NRG1: variants seen among roughly 807,000 people sequenced by gnomAD.
The protein encoded by NRG1 is pro-neuregulin-1, membrane-bound isoform.
In NRG1, 18 loss-of-function variants were observed where a neutral mutation model predicts 63.8. The ratio of observed to expected loss-of-function variants is 0.28; its 90% CI spans 0.19 to 0.42. The LOEUF is 0.42. NRG1 is among the 10% of genes least tolerant of loss of function. The pLI, the probability that NRG1 is intolerant of heterozygous loss-of-function variation, is 1.00. For synonymous variants in NRG1, 302 were observed against 301.3 expected (o/e 1.00, Z -0.02); for missense variants, 762 against 814.7 (o/e 0.94, Z 0.79).
intron 1 of NRG1, among the ~76,000 whole-genome samples, chr8:32,109,863 C>T (rs1049818909): frequency 6.6e-6 from 1 of 152,116 alleles, no homozygotes; most frequent in Non-Finnish European, 1.5e-5. Flanking sequence ...TTATTAGTTG[C>T]AGTCTCAGCC....
chr8:32,393,198 G>GT (rs978475082), intron 1 of NRG1, among the ~76,000 whole-genome samples: 73 of 152,050 alleles, frequency 4.8e-4, no homozygotes, highest in African/African-American at 1.7e-3. Flanking sequence ...AGAAAACATG[G>GT]TTTTTTTCTC....
chr8:32,409,024 A>G (rs558795345), intron 1 of NRG1, among the ~76,000 whole-genome samples: 1 of 152,272 alleles, frequency 6.6e-6, no homozygotes, highest in African/African-American at 2.4e-5. Flanking sequence ...TTCACTTAAG[A>G]TAATAGCCTT....
chr8:31,770,204 C>T (rs1347321092), intron 1 of NRG1, among the ~76,000 whole-genome samples: 1 of 152,124 alleles, frequency 6.6e-6, no homozygotes, highest in Non-Finnish European at 1.5e-5. Context: ...GCCGCCTGTG[C>T]CTTGAGTTAG....
At chr8:32,248,880 AAAT>A (rs1214369761) in intron 1 of NRG1, among the ~76,000 whole-genome samples, 1 of 152,042 alleles carries the variant, frequency 6.6e-6, no homozygotes, top group Non-Finnish European at 1.5e-5. Flanking sequence ...TTGATTATCA[AAAT>A]AATAATTATT....
intron 1 of NRG1, among the ~76,000 whole-genome samples, chr8:32,306,820 A>G (rs571381353): frequency 1.3e-5 from 2 of 152,208 alleles, no homozygotes; most frequent in East Asian, 3.8e-4. Context: ...TGAAAATGCT[A>G]CAAAAGAGGA....
intron 5 of NRG1, among the ~76,000 whole-genome samples, chr8:32,724,904 T>C (rs1821680649): frequency 6.6e-6 from 1 of 152,230 alleles, no homozygotes; most frequent in Non-Finnish European, 1.5e-5. Flanking sequence ...CTAAGAATTT[T>C]TTAAATGACT....
At chr8:32,593,854 C>A (rs904916857) in intron 1 of NRG1, among the ~76,000 whole-genome samples, 635 of 96,158 alleles carry the variant, frequency 6.6e-3, no homozygotes, top group South Asian at 7.9e-3. Context: ...TTCAAGGTGT[C>A]AAAAAAAAAA....
intron 1 of NRG1, among the ~76,000 whole-genome samples, chr8:32,529,796 A>G (rs1831255782): frequency 6.6e-6 from 1 of 152,218 alleles, no homozygotes; most frequent in Non-Finnish European, 1.5e-5. Flanking sequence ...ACTTTCTGTG[A>G]TAACAATACT....
intron 1 of NRG1, among the ~76,000 whole-genome samples, chr8:32,281,397 C>G (rs1563266116): frequency 6.6e-6 from 1 of 151,604 alleles, no homozygotes; most frequent in Non-Finnish European, 1.5e-5. Flanking sequence ...AGGCTGGTCT[C>G]GAACTCCTGA....
At chr8:32,476,634 T>G (rs1824555077) in intron 1 of NRG1, among the ~76,000 whole-genome samples, 1 of 152,222 alleles carries the variant, frequency 6.6e-6, no homozygotes, top group Non-Finnish European at 1.5e-5. Flanking sequence ...AACAGACTCT[T>G]TTTGGCAACT....
At chr8:31,864,946 C>A (rs896037454) in intron 1 of NRG1, among the ~76,000 whole-genome samples, 9 of 152,088 alleles carry the variant, frequency 5.9e-5, no homozygotes, top group African/African-American at 1.9e-4. Context: ...CTAACTTTCT[C>A]AAAAATGCTA....
At chr8:32,074,396 G>A (rs907756400) in intron 1 of NRG1, among the ~76,000 whole-genome samples, 1 of 152,202 alleles carries the variant, frequency 6.6e-6, no homozygotes, top group African/African-American at 2.4e-5. Context: ...ATATTTAAAT[G>A]TGTGTAAATA....
chr8:32,741,140 T>C, intron 6 of NRG1, among the ~76,000 whole-genome samples: 1 of 152,118 alleles, frequency 6.6e-6, no homozygotes, highest in East Asian at 1.9e-4. Flanking sequence ...AAAGTGGTAA[T>C]TATAAAGAGC....
At chr8:32,741,366 G>C (rs994937984) in intron 6 of NRG1, among the ~76,000 whole-genome samples, 5 of 151,936 alleles carry the variant, frequency 3.3e-5, no homozygotes, top group Non-Finnish European at 7.4e-5. Flanking sequence ...CTTTGATTTG[G>C]GATAATGCAA....
At chr8:31,970,936 C>T (rs931744812) in intron 1 of NRG1, among the ~76,000 whole-genome samples, 3 of 151,852 alleles carry the variant, frequency 2.0e-5, no homozygotes, top group Non-Finnish European at 4.4e-5. Context: ...CCCAGCTACT[C>T]GGGAGGCTGA....
At chr8:32,185,519 C>G (rs1841885159) in intron 1 of NRG1, among the ~76,000 whole-genome samples, 1 of 152,154 alleles carries the variant, frequency 6.6e-6, no homozygotes, top group African/African-American at 2.4e-5. Flanking sequence ...CATAGGTGGT[C>G]TCTCAAGACA....
chr8:32,600,797 T>C (rs1210314702), intron 2 of NRG1, among the ~76,000 whole-genome samples: 1 of 152,120 alleles, frequency 6.6e-6, no homozygotes, highest in Non-Finnish European at 1.5e-5. Context: ...ATTAACTCAT[T>C]TAATATTTTT....
chr8:32,331,770 G>C (rs912524724), intron 1 of NRG1, among the ~76,000 whole-genome samples: 1 of 152,094 alleles, frequency 6.6e-6, no homozygotes, highest in African/African-American at 2.4e-5. Context: ...ATCTCAGACC[G>C]ATGCTTAGTA....
At chr8:31,641,164 G>C (rs992154962) in intron 1 of NRG1, among the ~76,000 whole-genome samples, 1 of 152,140 alleles carries the variant, frequency 6.6e-6, no homozygotes, top group African/African-American at 2.4e-5. Flanking sequence ...GAGATGGTTA[G>C]GGGTTTGCTT....
Sources: gnomAD v4.1 joint callset for allele counts (sites outside exome capture counted in the v4.1 genomes callset) on GRCh38, gnomAD v4.1.1 for gene constraint, MANE v1.5 for transcripts, NCBI Gene and HGNC (gene_info 2026-07-23, HGNC 2026-07-21) for gene names.